Variants in PSEN1 observed in about 807,000 individuals in gnomAD.
The protein encoded by PSEN1 is presenilin-1.
Under a neutral mutation model 53.5 loss-of-function variants are expected in PSEN1, and 15 were observed. That is an observed-to-expected ratio of 0.28 (90% CI 0.19 to 0.43). The LOEUF (loss-of-function observed/expected upper bound fraction) is 0.43, where lower values mean the gene tolerates loss of function less well. PSEN1 is among the 20% of genes least tolerant of loss of function. The pLI is 1.00. For synonymous variants in PSEN1, 208 were observed against 209.8 expected, an observed-to-expected ratio of 0.99 and a Z score of 0.08; for missense variants, 387 against 571.2, an observed-to-expected ratio of 0.68 and a Z score of 3.29.
At chr14:73,140,083 G>C (rs1896875060) in intron 1 of PSEN1, among the ~76,000 whole-genome samples, 1 of 151,168 alleles carries the variant, frequency 6.6e-6, no homozygotes, top group Non-Finnish European at 1.5e-5. Context: ...TAGAGTTATT[G>C]AAATTAAATA....
At chr14:73,200,417 A>G (rs1028522976) in intron 8 of PSEN1, among the ~76,000 whole-genome samples, 1 of 151,946 alleles carries the variant, frequency 6.6e-6, no homozygotes, top group South Asian at 2.1e-4. Flanking sequence ...TTACAGGCGC[A>G]TGCCACCACG....
At chr14:73,198,854 G>C (rs950767097) in intron 8 of PSEN1, among the ~76,000 whole-genome samples, 1 of 152,096 alleles carries the variant, frequency 6.6e-6, no homozygotes, top group Non-Finnish European at 1.5e-5. Flanking sequence ...GCTCACTGCA[G>C]CCTCGACCTC....
Position 73,206,565 on chromosome 14 carries a change from A to G in PSEN1, c.955+93A>G. On this transcript the variant is annotated intron_variant, in intron 9 of 11. Transcript: ENST00000324501. Reference sequence around the variant, plus strand: ...ATGTTTTTATCGTCTTTCTTTGGTCATAGACTCCTTTGAGAATCTCTTGAG... The same window carrying G: ...ATGTTTTTATCGTCTTTCTTTGGTCGTAGACTCCTTTGAGAATCTCTTGAG... 4 of 849,510 alleles carry G rather than the reference A, an allele frequency of 4.7e-6. No individual in the cohort carries two copies. The South Asian group carries it at 5.7e-5, about 12-fold the overall frequency. 52.6% of individuals were successfully genotyped at this position (849,510 alleles called of 1,614,324 possible).
At chr14:73,150,244 A>G (rs998000028) in intron 3 of PSEN1, among the ~76,000 whole-genome samples, 10 of 152,142 alleles carry the variant, frequency 6.6e-5, no homozygotes, top group African/African-American at 2.2e-4. Flanking sequence ...ATGAAATCCT[A>G]ACTAAACAAA....
chr14:73,194,789 C>T (rs1369037406), intron 7 of PSEN1, among the ~76,000 whole-genome samples: 5 of 150,776 alleles, frequency 3.3e-5, no homozygotes, highest in South Asian at 4.2e-4. Flanking sequence ...AGGATGATCT[C>T]GATCTCCTGA....
rs1030456549 is a variant in PSEN1 at position 73,221,356 on chromosome 14, T to A, written c.*2067T>A. On this transcript the variant is annotated 3_prime_UTR_variant, in exon 12 of 12. Transcript: ENST00000324501. ...AATAGCAATTTGTGATTGGAAGCAT[T>A]CTTGAGGGATCCCTAATCTAGAGTA... 4.6e-5 allele frequency: 7 copies of A among 152,358 alleles called. 1 individual carries two copies. Among genetic ancestry groups the A allele is most frequent in the Non-Finnish European group, 8.8e-5 (6 of 68,038 alleles). The allele number at this position is 152,358 out of a possible 1,614,324, so 9.4% of individuals were successfully genotyped here.
At chr14:73,192,048 A>C (rs1228649682) in intron 6 of PSEN1, among the ~76,000 whole-genome samples, 1 of 152,142 alleles carries the variant, frequency 6.6e-6, no homozygotes, top group Non-Finnish European at 1.5e-5. Context: ...GGCCTGTGCA[A>C]CTGGTTTCCC....
At chr14:73,155,470 T>C (rs1334906502) in intron 3 of PSEN1, among the ~76,000 whole-genome samples, 1 of 152,214 alleles carries the variant, frequency 6.6e-6, no homozygotes, top group African/African-American at 2.4e-5. Context: ...TGAGGTATAT[T>C]TATATGTCTA....
At chr14:73,200,563 A>C (rs751937012) in intron 8 of PSEN1, among the ~76,000 whole-genome samples, 2 of 152,224 alleles carry the variant, frequency 1.3e-5, no homozygotes, top group Admixed American at 6.5e-5. Flanking sequence ...GCCCTGTAAA[A>C]TTAATCTTAA....
intron 3 of PSEN1, among the ~76,000 whole-genome samples, chr14:73,161,496 A>T (rs1041086649): frequency 1.3e-5 from 2 of 152,148 alleles, no homozygotes; most frequent in Admixed American, 6.5e-5. Context: ...AACTCAGAGA[A>T]TGTTTTATAC....
chr14:73,215,083 C>A (rs898495067), intron 10 of PSEN1, among the ~76,000 whole-genome samples: 2 of 152,000 alleles, frequency 1.3e-5, no homozygotes, highest in African/African-American at 4.8e-5. Context: ...GCCTCAGCCT[C>A]CCGAGTAGCT....
chr14:73,182,150 T>TA (rs1898236311), intron 5 of PSEN1, among the ~76,000 whole-genome samples: 3 of 152,180 alleles, frequency 2.0e-5, no homozygotes, highest in South Asian at 4.1e-4. Flanking sequence ...GTTTCTGTGT[T>TA]TCTTAAGTGT....
intron 9 of PSEN1, among the ~76,000 whole-genome samples, chr14:73,208,624 C>G (rs982096981): frequency 6.6e-6 from 1 of 152,226 alleles, no homozygotes; most frequent in African/African-American, 2.4e-5. Context: ...CTGCCCAAGT[C>G]TGACTGAGTC....
Position 73,219,649 on chromosome 14 carries a change from A to G in PSEN1, c.*360A>G, listed in dbSNP as rs202176028. 2.1e-5 allele frequency: 7 copies of G among 330,346 alleles called. No individual in the cohort carries two copies. The highest frequency in any genetic ancestry group is 8.8e-5 in the Admixed American group (2 of 22,740). The allele number at this position is 330,346 out of a possible 1,614,324, so 20.5% of individuals were successfully genotyped here. Reference sequence around the variant, plus strand: ...ACTGACACTGCGAACTCTCAGGACTACCGTTACCAAGAGGTTAGGTGAAGT... The same window carrying G: ...ACTGACACTGCGAACTCTCAGGACTGCCGTTACCAAGAGGTTAGGTGAAGT... On this transcript the variant is annotated 3_prime_UTR_variant, in exon 12 of 12. Coordinates refer to ENST00000324501, the MANE Select transcript of PSEN1 (RefSeq NM_000021.4).
intron 5 of PSEN1, among the ~76,000 whole-genome samples, chr14:73,186,242 G>T (rs982568849): frequency 1.3e-5 from 2 of 152,144 alleles, no homozygotes; most frequent in African/African-American, 4.8e-5. Context: ...AGCCAGGTGT[G>T]GTGGCACATG....
intron 10 of PSEN1, among the ~76,000 whole-genome samples, chr14:73,213,747 T>C (rs576713567): frequency 2.6e-5 from 4 of 152,232 alleles, no homozygotes; most frequent in African/African-American, 7.2e-5. Context: ...TGTAAACACA[T>C]AAAAAGATAC....
At chr14:73,168,410 C>T (rs1193510152) in intron 3 of PSEN1, 1 of 151,430 alleles carries the variant, frequency 6.6e-6, no homozygotes, top group Non-Finnish European at 1.5e-5. Context: ...ACAATATAAG[C>T]AGCTGACGTC....
chr14:73,161,678 G>A (rs1897541421), intron 3 of PSEN1, among the ~76,000 whole-genome samples: 1 of 152,116 alleles, frequency 6.6e-6, no homozygotes, highest in Admixed American at 6.5e-5. Context: ...GACAACACAC[G>A]TGGAATATTG....
At chr14:73,175,455 A>T (rs1357941479) in intron 5 of PSEN1, among the ~76,000 whole-genome samples, 1 of 152,090 alleles carries the variant, frequency 6.6e-6, no homozygotes, top group Non-Finnish European at 1.5e-5. Flanking sequence ...CAGCCTGAGC[A>T]ACATAGTAAG....
Sources: gnomAD v4.1 joint callset for allele counts (sites outside exome capture counted in the v4.1 genomes callset) on GRCh38, gnomAD v4.1.1 for gene constraint, MANE v1.5 for transcripts, NCBI Gene and HGNC (gene_info 2026-07-23, HGNC 2026-07-21) for gene names.